The following RAI14 variants were observed in gnomAD, a reference collection of about 807,000 sequenced individuals.
RAI14 encodes the protein ankycorbin.
A neutral mutation model predicts 115.4 loss-of-function variants in RAI14; 45 were observed. The ratio of observed to expected loss-of-function variants is 0.39; its 90% CI spans 0.31 to 0.50. RAI14 has a LOEUF of 0.50. RAI14 is among the 20% of genes least tolerant of loss of function. The pLI, the probability that RAI14 is intolerant of heterozygous loss-of-function variation, is 0.85. For missense variants in RAI14, 939 were observed against 1,131.2 expected (o/e 0.83, Z 2.44); for synonymous variants, 371 against 415.4 (o/e 0.89, Z 1.30).
intron 3 of RAI14, among the ~76,000 whole-genome samples, chr5:34,785,105 A>T (rs1752138343): frequency 6.6e-6 from 1 of 152,198 alleles, no homozygotes; most frequent in South Asian, 2.1e-4. Flanking sequence ...TGTTGGAGCT[A>T]TGTGTCCTTT....
At chr5:34,716,412 T>A (rs1417635140) in intron 2 of RAI14, among the ~76,000 whole-genome samples, 1 of 144,026 alleles carries the variant, frequency 6.9e-6, no homozygotes, top group Non-Finnish European at 1.5e-5. Context: ...TTTGGGTTAA[T>A]TTTTTTTTTT....
intron 2 of RAI14, among the ~76,000 whole-genome samples, chr5:34,720,248 A>T (rs952895263): frequency 2.6e-5 from 4 of 152,172 alleles, no homozygotes; most frequent in African/African-American, 9.6e-5. Flanking sequence ...ACATAATTTT[A>T]AAAATGTATA....
At chr5:34,665,678 C>A (rs940635972) in intron 1 of RAI14, among the ~76,000 whole-genome samples, 4 of 152,072 alleles carry the variant, frequency 2.6e-5, no homozygotes, top group African/African-American at 9.7e-5. Flanking sequence ...TTTTATCAGT[C>A]TCATGAGTTT....
chr5:34,809,093 C>G (rs1755273940), intron 7 of RAI14, among the ~76,000 whole-genome samples: 1 of 152,180 alleles, frequency 6.6e-6, no homozygotes, highest in Admixed American at 6.5e-5. Context: ...TGCTTTTCAA[C>G]CTAGATTCTC....
At chr5:34,808,448 A>G (rs1755179485) in intron 6 of RAI14, 136 bp from the exon 7 acceptor site, 2 of 786,538 alleles carry the variant, frequency 2.5e-6, no homozygotes, top group Non-Finnish European at 4.2e-6. Flanking sequence ...TCCTAATACC[A>G]TTTCTCTTCA....
intron 2 of RAI14, among the ~76,000 whole-genome samples, chr5:34,700,101 CAGGT>C (rs1222411026): frequency 1.3e-5 from 2 of 152,098 alleles, no homozygotes; most frequent in Non-Finnish European, 2.9e-5. Flanking sequence ...ACTGAGACTT[CAGGT>C]AGGTATGTTT....
chr5:34,755,684 A>G (rs1440487798), intron 2 of RAI14, among the ~76,000 whole-genome samples: 2 of 152,218 alleles, frequency 1.3e-5, no homozygotes, highest in Non-Finnish European at 2.9e-5. Flanking sequence ...ATGACCCCAC[A>G]GGGGCAAAAC....
Position 34,827,603 on chromosome 5 carries a change from C to T in RAI14, c.2799+1124C>T, listed in dbSNP as rs1757577007. Among the ~76,000 whole-genome samples the T allele has an allele frequency of 6.6e-6, 1 of 152,138 alleles. No homozygotes were observed. The highest frequency in any genetic ancestry group is 6.5e-5 in the Admixed American group (1 of 15,274). ...CCTTACTCTGGCTGGCCACAAAGTT[C>T]AATGCTAGCTTTGGAGGAAACAGCT... On this transcript the variant is annotated intron_variant, in intron 16 of 17. Coordinates refer to ENST00000265109, the MANE Select transcript of RAI14 (RefSeq NM_015577.3). This position sits in a 1 kb window ranked among gnomAD's most constrained non-coding sequence, Gnocchi z 4.2.
intron 2 of RAI14, among the ~76,000 whole-genome samples, chr5:34,723,118 A>AC (rs1743002181): frequency 6.7e-6 from 1 of 149,828 alleles, no homozygotes; most frequent in South Asian, 2.1e-4. Context: ...AAAAAAAAAA[A>AC]CCCACTTCAT....
At chr5:34,726,077 G>A (rs1743428823) in intron 2 of RAI14, among the ~76,000 whole-genome samples, 2 of 151,116 alleles carry the variant, frequency 1.3e-5, no homozygotes, top group South Asian at 2.1e-4. Context: ...CTAGTATTTT[G>A]TAAAAGATTT....
intron 3 of RAI14, among the ~76,000 whole-genome samples, chr5:34,776,137 G>T (rs1397147126): frequency 6.6e-6 from 1 of 152,174 alleles, no homozygotes; most frequent in Non-Finnish European, 1.5e-5. Context: ...GTTGGAACTG[G>T]AGGTCATTAT....
At chr5:34,789,566 T>A (rs1424381003) in intron 3 of RAI14, among the ~76,000 whole-genome samples, 1 of 152,220 alleles carries the variant, frequency 6.6e-6, no homozygotes, top group African/African-American at 2.4e-5. Context: ...TTCCATTCAA[T>A]GGAAACACAC....
At chr5:34,732,077 G>A (rs1277616304) in intron 2 of RAI14, among the ~76,000 whole-genome samples, 2 of 152,194 alleles carry the variant, frequency 1.3e-5, no homozygotes, top group African/African-American at 4.8e-5. Flanking sequence ...CCTGGAGTTG[G>A]GGTGGTCAGA....
intron 1 of RAI14, among the ~76,000 whole-genome samples, chr5:34,671,263 T>A (rs2149855876): frequency 6.6e-6 from 1 of 152,266 alleles, no homozygotes; most frequent in Admixed American, 6.5e-5. Context: ...GCAGACATCG[T>A]CTTCTCGGCA....
intron 1 of RAI14, among the ~76,000 whole-genome samples, chr5:34,679,570 T>C (rs1744241124): frequency 6.6e-6 from 1 of 152,188 alleles, no homozygotes. Context: ...ATCTCTGTCC[T>C]AAGAATTTGC....
chr5:34,666,338 C>A (rs1027538720), intron 1 of RAI14, among the ~76,000 whole-genome samples: 1 of 151,872 alleles, frequency 6.6e-6, no homozygotes, highest in Non-Finnish European at 1.5e-5. Flanking sequence ...GTCCCAGGCA[C>A]CTCCTGACAG....
At chr5:34,709,567 C>T (rs141882323) in intron 2 of RAI14, among the ~76,000 whole-genome samples, 1,722 of 152,350 alleles carry the variant, frequency 0.011, 8 homozygotes, top group Non-Finnish European at 0.019. Flanking sequence ...CTGCCCCTCT[C>T]TGTTGACATT....
intron 2 of RAI14, among the ~76,000 whole-genome samples, chr5:34,724,244 G>C (rs189892627): frequency 4.7e-4 from 71 of 152,206 alleles, no homozygotes; most frequent in Admixed American, 4.3e-3. Context: ...TTGAACTCCT[G>C]ACCTCAAGTG....
chr5:34,681,704 G>C (rs894540898), intron 1 of RAI14, among the ~76,000 whole-genome samples: 4 of 151,854 alleles, frequency 2.6e-5, no homozygotes, highest in African/African-American at 9.7e-5. Flanking sequence ...TCGCTCTGGT[G>C]CCCAGGCTGG....
Sources: allele counts gnomAD v4.1 joint callset (sites outside exome capture counted in the v4.1 genomes callset), GRCh38; gene constraint gnomAD v4.1.1; non-coding constraint Gnocchi (gnomAD v3.1); transcripts MANE v1.5; gene names NCBI Gene and HGNC (gene_info 2026-07-23, HGNC 2026-07-21).